The following RPGRIP1 variants were observed in gnomAD, a reference collection of about 807,000 sequenced individuals.
The protein encoded by RPGRIP1 is X-linked retinitis pigmentosa GTPase regulator-interacting protein 1.
Under a neutral mutation model 157.9 loss-of-function variants are expected in RPGRIP1, and 128 were observed. That is an observed-to-expected ratio of 0.81 (90% CI 0.70 to 0.94). The LOEUF is 0.94. Among genes scored for constraint, RPGRIP1 ranks in the 40% least tolerant of loss-of-function variants. The pLI is 0.00. For missense variants in RPGRIP1, 1,486 were observed against 1,545.8 expected (o/e 0.96, Z 0.65); for synonymous variants, 554 against 571.6 (o/e 0.97, Z 0.44).
chr14:21,293,360 AAGTTTTTATCCTTTT>A (rs1201243641), intron 2 of RPGRIP1, among the ~76,000 whole-genome samples: 3 of 152,168 alleles, frequency 2.0e-5, no homozygotes, highest in Non-Finnish European at 4.4e-5. Flanking sequence ...AAATCAAAAA[AAGTTTTTATCCTTTT>A]CCTTACTGGG....
At chr14:21,304,443 G>GAAAGAAAGAAAT (rs1451923392) in intron 6 of RPGRIP1, among the ~76,000 whole-genome samples, 2 of 139,482 alleles carry the variant, frequency 1.4e-5, no homozygotes, top group African/African-American at 2.7e-5. Flanking sequence ...AAGAAAGAAA[G>GAAAGAAAGAAAT]AAATTAACCT....
chr14:21,287,899 A>G lies in RPGRIP1; in HGVS notation c.-38-40A>G, dbSNP rs1033599272. 6.7e-5 allele frequency: 60 copies of G among 899,048 alleles called. No homozygotes were observed. In the African/African-American group the frequency reaches 8.3e-4, roughly 12 times the overall value. 55.7% of individuals were successfully genotyped at this position (899,048 alleles called of 1,614,324 possible). A position where few individuals can be genotyped will look rare whatever the true frequency, so the allele number is the denominator to read the frequency against. On this transcript the variant is annotated intron_variant, in intron 1 of 24. Transcript: ENST00000400017. ...ATGTACACGTTTCAGAAGACATCCTAAAGTTGCATGTAACTGACTGGACTT... is the reference window on the plus strand; with the variant it reads ...ATGTACACGTTTCAGAAGACATCCTGAAGTTGCATGTAACTGACTGGACTT...
At chr14:21,302,458 C>G (rs1046884011) in intron 4 of RPGRIP1, 30 bp from the exon 5 acceptor site, 1 of 1,342,910 alleles carries the variant, frequency 7.4e-7, no homozygotes, top group South Asian at 1.6e-5. Context: ...TACTGTTGCC[C>G]GAGTCTGCAT....
intron 10 of RPGRIP1, among the ~76,000 whole-genome samples, chr14:21,314,909 G>T (rs1881705827): frequency 1.3e-5 from 2 of 151,996 alleles, no homozygotes; most frequent in South Asian, 4.1e-4. Flanking sequence ...TGTAATCCCA[G>T]ATACTTGGGA....
chr14:21,292,814 C>T (rs1880589589), intron 2 of RPGRIP1, among the ~76,000 whole-genome samples: 1 of 151,562 alleles, frequency 6.6e-6, no homozygotes, highest in African/African-American at 2.4e-5. Context: ...AGCACCACTA[C>T]ACTCCAGCCT....
chr14:21,351,214 T>C lies in RPGRIP1; in HGVS notation c.3859T>C (p.Ter1287ArgextTer21), dbSNP rs1029178575. ...YKEMTEDLFS[*>R] Reference sequence around the variant, plus strand: ...GGAGATGACTGAAGATTTGTTTTCATGAAGGAACAAGTGCTATTCCAATCT... The same window carrying C: ...GGAGATGACTGAAGATTTGTTTTCACGAAGGAACAAGTGCTATTCCAATCT... Residue 1287 changes from the stop codon to arginine (R), a stop_lost, in exon 25 of 25, where the codon TGA (stop) becomes CGA (arginine). Transcript: ENST00000400017. The C allele has an allele frequency of 7.6e-6, 12 of 1,577,402 alleles. No homozygotes were observed. The highest frequency in any genetic ancestry group is 6.8e-5 in the Admixed American group (4 of 58,870).
chr14:21,292,439 T>C (rs917082625), intron 2 of RPGRIP1, among the ~76,000 whole-genome samples: 3 of 152,168 alleles, frequency 2.0e-5, no homozygotes, highest in African/African-American at 7.2e-5. Context: ...ATTCAAAAAT[T>C]AATCTAGCCA....
chr14:21,306,736 C>T (rs1001469408), intron 6 of RPGRIP1, among the ~76,000 whole-genome samples: 5 of 150,948 alleles, frequency 3.3e-5, no homozygotes, highest in Admixed American at 1.3e-4. Flanking sequence ...GGATTATAAG[C>T]GTGAGCCACC....
At chr14:21,316,467 T>C (rs1881816786) in intron 10 of RPGRIP1, among the ~76,000 whole-genome samples, 1 of 152,018 alleles carries the variant, frequency 6.6e-6, no homozygotes. Flanking sequence ...CCTGGGCTGG[T>C]GTGCAGTGGC....
intron 2 of RPGRIP1, among the ~76,000 whole-genome samples, chr14:21,290,687 C>T (rs1051507840): frequency 2.6e-5 from 4 of 151,994 alleles, no homozygotes; most frequent in South Asian, 2.1e-4. Context: ...GGCCTGGTGG[C>T]GGGCGCCTGT....
intron 3 of RPGRIP1, among the ~76,000 whole-genome samples, chr14:21,299,282 G>A (rs1163298271): frequency 6.6e-6 from 1 of 151,860 alleles, no homozygotes; most frequent in Non-Finnish European, 1.5e-5. Flanking sequence ...GATTACAGGC[G>A]TGAGCCACCG....
chr14:21,282,758 T>C (rs936297853), intron 1 of RPGRIP1, among the ~76,000 whole-genome samples: 14 of 151,718 alleles, frequency 9.2e-5, no homozygotes, highest in African/African-American at 2.9e-4. Flanking sequence ...TACAGGCGCG[T>C]GCCACCACAC....
intron 11 of RPGRIP1, among the ~76,000 whole-genome samples, chr14:21,319,175 T>A (rs1394718738): frequency 6.6e-6 from 1 of 152,186 alleles, no homozygotes; most frequent in African/African-American, 2.4e-5. Context: ...TGAAGTCTTG[T>A]AAGGACCTTC....
At chr14:21,329,893 G>T (rs777566281) in intron 19 of RPGRIP1, among the ~76,000 whole-genome samples, 1 of 150,832 alleles carries the variant, frequency 6.6e-6, no homozygotes, top group African/African-American at 2.4e-5. Context: ...TGAGGCATGC[G>T]GATCACATGA....
At chr14:21,315,925 A>C (rs1434946882) in intron 10 of RPGRIP1, among the ~76,000 whole-genome samples, 1 of 148,988 alleles carries the variant, frequency 6.7e-6, no homozygotes, top group African/African-American at 2.5e-5. Flanking sequence ...CAGCCTCCCA[A>C]GTAGCCGTGA....
At chr14:21,329,514 T>C (rs1200328358) in intron 19 of RPGRIP1, among the ~76,000 whole-genome samples, 1 of 151,034 alleles carries the variant, frequency 6.6e-6, no homozygotes, top group Non-Finnish European at 1.5e-5. Flanking sequence ...CTTTTTTTTT[T>C]TTTTTGAGAC....
In RPGRIP1 at chr14:21,343,866, G is replaced by GTTTTTTTTTTTTTTTTTTTT. The variant is rs67535379; in HGVS notation, c.3532+660_3532+679dup. ...TGATTTTTGTTCTTCCTCTTTTCCT[G>GTTTTTTTTTTTTTTTTTTTT]TTTTTTTTTTTTTTTTTTTTTTTTT... On this transcript the variant is annotated intron_variant, in intron 22 of 24. Transcript: ENST00000400017. Among the ~76,000 whole-genome samples the GTTTTTTTTTTTTTTTTTTTT allele has an allele frequency of 6.0e-5, 3 of 50,418 alleles. 1 individual carries two copies. Among genetic ancestry groups the GTTTTTTTTTTTTTTTTTTTT allele is most frequent in the African/African-American group, 1.5e-4 (2 of 13,012 alleles). The allele number at this position is 50,418 out of a possible 152,430, so 33.1% of individuals were successfully genotyped here.
chr14:21,281,937 T>C (rs1429615942), intron 1 of RPGRIP1, among the ~76,000 whole-genome samples: 3 of 150,806 alleles, frequency 2.0e-5, no homozygotes, highest in Non-Finnish European at 4.4e-5. Context: ...TACTAAAAAA[T>C]ACAAAAAATT....
intron 21 of RPGRIP1, among the ~76,000 whole-genome samples, chr14:21,341,924 CCTGTAGTCCCA>C (rs567863853): frequency 6.6e-6 from 1 of 152,150 alleles, no homozygotes; most frequent in East Asian, 1.9e-4. Context: ...GTGGCGGGTG[CCTGTAGTCCCA>C]GCTACTCGGG....
Sources: allele counts gnomAD v4.1 joint callset (sites outside exome capture counted in the v4.1 genomes callset), GRCh38; gene constraint gnomAD v4.1.1; transcripts MANE v1.5; gene names NCBI Gene and HGNC (gene_info 2026-07-23, HGNC 2026-07-21).